SCRN3: variants seen among roughly 807,000 people sequenced by gnomAD.
The protein encoded by SCRN3 is secernin-3.
SCRN3 carries 39 observed loss-of-function variants against 43.1 expected under a neutral mutation model. That is an observed-to-expected ratio of 0.91 (90% CI 0.70 to 1.18). SCRN3 has a LOEUF of 1.18. Among genes scored for constraint, SCRN3 ranks in the 50% most tolerant of loss-of-function variants. The pLI is 0.00. For synonymous variants in SCRN3, 147 were observed against 163.1 expected (o/e 0.90, Z 0.75); for missense variants, 484 against 498.0 (o/e 0.97, Z 0.27).
intron 7 of SCRN3, among the ~76,000 whole-genome samples, chr2:174,427,424 A>AT (rs768989959): frequency 1.3e-5 from 2 of 152,076 alleles, no homozygotes; most frequent in Non-Finnish European, 2.9e-5. Context: ...TTCATATGAG[A>AT]TTTTCTATTG....
At chr2:174,405,726 A>G (rs1685671594) in intron 5 of SCRN3, among the ~76,000 whole-genome samples, 2 of 150,208 alleles carry the variant, frequency 1.3e-5, no homozygotes, top group Admixed American at 6.6e-5. Context: ...TCCTTTCCCC[A>G]TTGCTTGTTT....
chr2:174,424,024 CAA>C (rs1236715011), intron 6 of SCRN3, among the ~76,000 whole-genome samples: 4 of 151,848 alleles, frequency 2.6e-5, no homozygotes, highest in Non-Finnish European at 4.4e-5. Context: ...CTCCTGGTCT[CAA>C]GAGATTCTCC....
intron 5 of SCRN3, among the ~76,000 whole-genome samples, chr2:174,412,456 G>A (rs912717100): frequency 6.6e-6 from 1 of 152,006 alleles, no homozygotes; most frequent in African/African-American, 2.4e-5. Flanking sequence ...GGTAGCAGCT[G>A]CTGGGAGGCA....
At chr2:174,412,351 A>T (rs868762468) in intron 5 of SCRN3, among the ~76,000 whole-genome samples, 3,034 of 146,070 alleles carry the variant, frequency 0.021, 93 homozygotes, top group African/African-American at 0.071. Context: ...TCTCCTGGGA[A>T]TTTTTTTTTT....
chr2:174,428,009 T>C lies in SCRN3; in HGVS notation c.*114T>C. 1 of 653,258 alleles carries C rather than the reference T, an allele frequency of 1.5e-6. No individual in the cohort carries two copies. The highest frequency in any genetic ancestry group is 2.6e-6 in the Non-Finnish European group (1 of 390,608). 40.5% of individuals were successfully genotyped at this position (653,258 alleles called of 1,614,324 possible). ...AACCTAACTTGAGCAGATCTGATTA[T>C]TCTTGGATAGTATTCAAGTGGTATC... is the stretch of plus-strand genomic sequence containing the variant. On this transcript the variant is annotated 3_prime_UTR_variant, in exon 8 of 8. Coordinates refer to ENST00000272732, the MANE Select transcript of SCRN3 (RefSeq NM_024583.5).
In SCRN3 at chr2:174,429,225, A is replaced by G. The variant is rs1285257975; in HGVS notation, c.*1330A>G. ...TAATAGATGAGGAAACTAAGGGCAA[A>G]CAGTTCGTTACACTTACGGGAATCT... On this transcript the variant is annotated 3_prime_UTR_variant, in exon 8 of 8. Transcript: ENST00000272732. The G allele has an allele frequency of 6.6e-6, 1 of 152,144 alleles. No homozygotes were observed. Among genetic ancestry groups the G allele is most frequent in the Non-Finnish European group, 1.5e-5 (1 of 68,018 alleles). 9.4% of individuals were successfully genotyped at this position (152,144 alleles called of 1,614,324 possible).
chr2:174,427,734 G>T lies in SCRN3; in HGVS notation c.1114G>T (p.Asp372Tyr), dbSNP rs767789969. 6.2e-7 allele frequency: 1 copy of T among 1,600,548 alleles called. No individual in the cohort carries two copies. Among genetic ancestry groups the T allele is most frequent in the South Asian group, 1.1e-5 (1 of 88,638 alleles). ...NNEEKAKIML[D>Y]NMRKLEKELF... ...TTAGGAAAAAGCCAAAATAATGTTG[G>T]ACAACATGAGGAAACTGGAGAAAGA... Residue 372 changes from aspartate (D) to tyrosine (Y), a missense_variant, in exon 8 of 8, where the codon GAC (aspartate) becomes TAC (tyrosine). Physicochemically the swap from Asp to Tyr is radical, Grantham distance 160 (BLOSUM62 -3). Transcript: ENST00000272732.
At chr2:174,429,616 C>T (rs1686593627), downstream of SCRN3, 1 of 152,188 alleles carries the variant, frequency 6.6e-6, no homozygotes, top group Non-Finnish European at 1.5e-5. Context: ...AATGGCCCTA[C>T]ATTGACACAT....
chr2:174,400,435 T>C (rs1470402827), intron 3 of SCRN3, among the ~76,000 whole-genome samples: 1 of 152,076 alleles, frequency 6.6e-6, no homozygotes, highest in Non-Finnish European at 1.5e-5. Flanking sequence ...CAAAGGCACG[T>C]GCCACCACAC....
intron 5 of SCRN3, chr2:174,410,279 C>G (rs36192302): frequency 6.7e-6 from 1 of 148,986 alleles, no homozygotes; most frequent in Non-Finnish European, 1.5e-5. Context: ...TGACCCCTTG[C>G]GCTTCCCAGG....
At chr2:174,395,952 G>A in intron 1 of SCRN3, 135 bp downstream of exon 1, 1 of 1,401,572 alleles carries the variant, frequency 7.1e-7, no homozygotes, top group Non-Finnish European at 9.3e-7. Context: ...GCCCAGGGCC[G>A]GGGTGCGGGG....
At chr2:174,429,634 C>T (rs911344120), downstream of SCRN3, 5 of 152,136 alleles carry the variant, frequency 3.3e-5, no homozygotes, top group Non-Finnish European at 5.9e-5. Context: ...CATTATCACC[C>T]AAAGGCCATG....
intron 5 of SCRN3, among the ~76,000 whole-genome samples, chr2:174,412,590 A>G (rs1173643677): frequency 6.6e-6 from 1 of 152,156 alleles, no homozygotes; most frequent in East Asian, 1.9e-4. Context: ...TCAGAGGCAG[A>G]CCCAGATGTG....
intron 5 of SCRN3, among the ~76,000 whole-genome samples, chr2:174,419,725 A>G (rs1686236070): frequency 6.6e-6 from 1 of 152,066 alleles, no homozygotes; most frequent in Admixed American, 6.6e-5. Flanking sequence ...TTTAAACTGT[A>G]CTTGTTACTT....
rs111347627 is a variant in SCRN3 at position 174,404,280 on chromosome 2, A to G, written c.719A>G (p.Tyr240Cys). The G allele has an allele frequency of 6.2e-7, 1 of 1,613,772 alleles. No individual in the cohort carries two copies. The highest frequency in any genetic ancestry group is 8.5e-7 in the Non-Finnish European group (1 of 1,179,732). Residue 240 changes from tyrosine to cysteine, a missense_variant, in exon 5 of 8, where the codon TAC (tyrosine) becomes TGC (cysteine). Transcript: ENST00000272732. ...TAKMMTSSGRYCEGYKLLNKH... is the reference protein window; with the variant it reads ...TAKMMTSSGRCCEGYKLLNKH... ...AAGATGATGACTTCATCAGGCAGAT[A>G]CTGTGAGGGCTACAAGCTTCTAAAT...
intron 7 of SCRN3, among the ~76,000 whole-genome samples, chr2:174,427,006 T>C (rs1225651899): frequency 6.6e-6 from 1 of 151,926 alleles, no homozygotes; most frequent in East Asian, 2.0e-4. Context: ...CTAATTTTTG[T>C]ATTTTTAGTA....
At chr2:174,410,173 T>G (rs1220838287) in intron 5 of SCRN3, 3 of 150,554 alleles carry the variant, frequency 2.0e-5, no homozygotes, top group Non-Finnish European at 3.0e-5. Context: ...GCGCCGTTTT[T>G]TAAGCCGGTC....
intron 5 of SCRN3, among the ~76,000 whole-genome samples, chr2:174,409,741 G>T (rs1325742919): frequency 1.1e-3 from 158 of 144,124 alleles, no homozygotes; most frequent in African/African-American, 3.6e-3. Flanking sequence ...GTGTGCCCCT[G>T]CTGGGAGGTG....
At chr2:174,400,192 A>G in intron 3 of SCRN3, 89 bp downstream of exon 3, 1 of 996,008 alleles carries the variant, frequency 1.0e-6, no homozygotes, top group Admixed American at 3.1e-5. Flanking sequence ...CCTATTTTTG[A>G]GGGGGCTTTG....
Sources: gnomAD v4.1 joint callset for allele counts (sites outside exome capture counted in the v4.1 genomes callset) on GRCh38, gnomAD v4.1.1 for gene constraint, MANE v1.5 for transcripts, NCBI Gene and HGNC (gene_info 2026-07-23, HGNC 2026-07-21) for gene names.